COL11A2: variants seen among roughly 807,000 people sequenced by gnomAD.
The protein encoded by COL11A2 is collagen type XI alpha 2 chain, also known as collagen alpha-2(XI) chain.
A neutral mutation model predicts 273.4 loss-of-function variants in COL11A2; 116 were observed. The ratio of observed to expected loss-of-function variants is 0.42; its 90% confidence interval spans 0.36 to 0.49. COL11A2 has a LOEUF of 0.49. Among genes scored for constraint, COL11A2 ranks in the 20% least tolerant of loss-of-function variants. COL11A2 has a pLI of 0.00. For synonymous variants in COL11A2, 782 were observed against 864.2 expected, an observed-to-expected ratio of 0.90 and a Z score of 1.67; for missense variants, 1,866 against 2,309.0, an observed-to-expected ratio of 0.81 and a Z score of 3.93.
intron 5 of COL11A2, 22 bp downstream of exon 5, chr6:33,186,605 G>T (rs1233225103): frequency 1.2e-6 from 2 of 1,614,046 alleles, no homozygotes; most frequent in African/African-American, 2.7e-5. Context: ...GCTGCACTTG[G>T]GGGTTCTCCC....
chr6:33,173,037 T>G lies in COL11A2; in HGVS notation c.2790+23A>C. ...GACTAATGCTAGGGTCAGGGGTCCA[T>G]TCTCTCCTAGGGACAAACCTACCTG... On this transcript the variant is annotated intron_variant, in intron 38 of 65. Transcript: ENST00000341947. This position sits in a 1 kb window ranked among gnomAD's most constrained non-coding sequence, Gnocchi z 6.3. 1 of 1,611,352 alleles carries G rather than the reference T, an allele frequency of 6.2e-7. No individual in the cohort carries two copies. Among genetic ancestry groups the G allele is most frequent in the Non-Finnish European group, 8.5e-7 (1 of 1,178,934 alleles).
Position 33,180,987 on chromosome 6 carries a change from G to C in COL11A2, c.1198C>G (p.Pro400Ala), listed in dbSNP as rs776870776. ...VLEPGMLVEGPPGPEGPAGLI... is the reference protein window; with the variant it reads ...VLEPGMLVEGAPGPEGPAGLI... ...ACCGCAGGGCCTTCTGGGCCAGGGG[G>C]CCCCTCCACGAGCATACCCTGTGGA... The change falls in exon 10 of 66, where the codon CCC (proline) becomes GCC (alanine). Residue 400 changes from proline to alanine, a missense_variant. Transcript: ENST00000341947. The C allele has an allele frequency of 6.2e-7, 1 of 1,613,936 alleles. No homozygotes were observed. The highest frequency in any genetic ancestry group is 1.1e-5 in the South Asian group (1 of 91,086).
intron 5 of COL11A2, 116 bp downstream of exon 5, chr6:33,186,511 A>T: frequency 6.3e-7 from 1 of 1,575,518 alleles, no homozygotes; most frequent in Non-Finnish European, 8.6e-7. Flanking sequence ...GACTAGGAGG[A>T]GGGGGTGATG....
At position 33,166,473 on chromosome 6, in the gene COL11A2, G is replaced by A. The variant is rs1471343404; in HGVS notation, c.4392+40C>T. 1.2e-6 allele frequency: 2 copies of A among 1,604,918 alleles called. No individual in the cohort carries two copies. The highest frequency in any genetic ancestry group is 1.7e-6 in the Non-Finnish European group (2 of 1,173,818). On this transcript the variant is annotated intron_variant, in intron 60 of 65. Transcript: ENST00000341947. This position sits in a 1 kb window ranked among gnomAD's most constrained non-coding sequence, Gnocchi z 4.8. Reference sequence around the variant, plus strand: ...GGAGGCTGTGGGTGGGCAGCAGAGGGGTTTAGGGGATTTTGTGGAGGAACA... The same window carrying A: ...GGAGGCTGTGGGTGGGCAGCAGAGGAGTTTAGGGGATTTTGTGGAGGAACA...
chr6:33,166,838 G>A lies in COL11A2; in HGVS notation c.4231-11C>T, dbSNP rs1385145751. The A allele has an allele frequency of 1.9e-6, 3 of 1,612,848 alleles. No homozygotes were observed. The highest frequency in any genetic ancestry group is 2.5e-6 in the Non-Finnish European group (3 of 1,179,720). The stretch of plus-strand genomic sequence containing the variant: ...GAGACCTGGGTGGCCCTAGAGAAGG[G>A]TGCAGGCAGTCAAGAGAATGCAAAG... On this transcript the variant is annotated splice_polypyrimidine_tract_variant and intron_variant, in intron 58 of 65. Coordinates refer to ENST00000341947, the MANE Select transcript of COL11A2 (RefSeq NM_080680.3). This position sits in a 1 kb window ranked among gnomAD's most constrained non-coding sequence, Gnocchi z 4.8.
chr6:33,165,893 G>T lies in COL11A2; in HGVS notation c.4482+38C>A. The T allele has an allele frequency of 1.9e-6, 3 of 1,613,778 alleles. No individual in the cohort carries two copies. Among genetic ancestry groups the T allele is most frequent in the Non-Finnish European group, 2.5e-6 (3 of 1,179,994 alleles). The stretch of plus-strand genomic sequence containing the variant: ...GAAGTGTGGCAGCAGTGGAGCAGAG[G>T]GGTACGGCCCTGGGAGCAGCCCTGA... On this transcript the variant is annotated intron_variant, in intron 62 of 65. Transcript: ENST00000341947. The surrounding 1 kb of genome is among the most constrained non-coding windows in gnomAD (Gnocchi z 7.7).
Position 33,164,992 on chromosome 6 carries a change from G to C in COL11A2, c.4751-28C>G, listed in dbSNP as rs764621624. 5 of 1,525,446 alleles carry C rather than the reference G, an allele frequency of 3.3e-6. No individual in the cohort carries two copies. The African/African-American group carries it at 5.5e-5, about 17-fold the overall frequency. 94.5% of individuals were successfully genotyped at this position (1,525,446 alleles called of 1,614,324 possible). A position where few individuals can be genotyped will look rare whatever the true frequency, so the allele number is the denominator to read the frequency against. On this transcript the variant is annotated intron_variant, in intron 63 of 65. Transcript: ENST00000341947. This position sits in a 1 kb window ranked among gnomAD's most constrained non-coding sequence, Gnocchi z 4.7. ...GTTGGGTGAGGGAGAGGGGAGGTCA[G>C]GGCCACCTAGGTCCAGGCTCCAAGA...
Position 33,163,880 on chromosome 6 carries a change from T to C in COL11A2, c.5071-62A>G. On this transcript the variant is annotated intron_variant, in intron 65 of 65. Transcript: ENST00000341947. This position sits in a 1 kb window ranked among gnomAD's most constrained non-coding sequence, Gnocchi z 4.1. ...TGGAGGCACCCCCCACCCTCTAACC[T>C]CAGGCCCAGGCTCACCTCTCCTCTG... 3 of 1,611,802 alleles carry C rather than the reference T, an allele frequency of 1.9e-6. No homozygotes were observed. The South Asian group carries it at 3.3e-5, about 18-fold the overall frequency.
rs1770640269 is a variant in COL11A2, at chr6:33,174,554, A to G, written c.2403T>C (p.Pro801=). ...EKGKLGVPGL[P]GYPGRQGPKG... is the part of the protein sequence containing the mutation. ...TGGGTCCCTGACGTCCAGGATAGCC[A>G]GGCAGACCAGGAACACCCAGCTTGC... The change falls in exon 31 of 66, where the codon CCT becomes CCC. Residue 801 remains proline, a synonymous_variant. Coordinates refer to ENST00000341947, the MANE Select transcript of COL11A2 (RefSeq NM_080680.3). The G allele has an allele frequency of 6.2e-7, 1 of 1,612,460 alleles. No homozygotes were observed.
At position 33,167,719 on chromosome 6, in the gene COL11A2, G is replaced by A. The variant is rs762732578; in HGVS notation, c.4014+80C>T. The A allele has an allele frequency of 1.5e-5, 23 of 1,557,294 alleles. No homozygotes were observed. Among genetic ancestry groups the A allele is most frequent in the Non-Finnish European group, 1.9e-5 (22 of 1,134,744 alleles). On this transcript the variant is annotated intron_variant, in intron 55 of 65. Coordinates refer to ENST00000341947, the MANE Select transcript of COL11A2 (RefSeq NM_080680.3). This position sits in a 1 kb window ranked among gnomAD's most constrained non-coding sequence, Gnocchi z 6.1. The stretch of plus-strand genomic sequence containing the variant: ...CCCAACATGGGAGAGGTGGAGATGG[G>A]GTGGGCATCTGGAGACGGAGGCATC...
rs201399429 is a variant in COL11A2 at position 33,186,673 on chromosome 6, T to A, written c.752A>T (p.Gln251Leu). 6.8e-6 allele frequency: 11 copies of A among 1,614,094 alleles called. No homozygotes were observed. In the East Asian group the frequency reaches 2.2e-4, roughly 33 times the overall value. ...PHRAQRSPQQQPSRLHRPQNQ... is the reference protein window; with the variant it reads ...PHRAQRSPQQLPSRLHRPQNQ... ...TTGTGGCCTGTGAAGTCTTGATGGT[T>A]GCTGCTGTGGAGATCTCTGGGCTCT... Residue 251 changes from glutamine to leucine, a missense_variant, in exon 5 of 66, where the codon CAA becomes CTA. Coordinates refer to ENST00000341947, the MANE Select transcript of COL11A2 (RefSeq NM_080680.3).
In COL11A2 at chr6:33,173,181, G is replaced by A; in HGVS notation, c.2737-68C>T. On this transcript the variant is annotated intron_variant, in intron 37 of 65. Coordinates refer to ENST00000341947, the MANE Select transcript of COL11A2 (RefSeq NM_080680.3). The surrounding 1 kb of genome is among the most constrained non-coding windows in gnomAD (Gnocchi z 6.3). ...GCGCTGTGGGGCAGATTCCCAGGAG[G>A]AAGGATCCCAGGCAGGATCACACCA... 6.4e-7 allele frequency: 1 copy of A among 1,566,450 alleles called. No individual in the cohort carries two copies. Among genetic ancestry groups the A allele is most frequent in the Non-Finnish European group, 8.7e-7 (1 of 1,149,560 alleles).
chr6:33,178,763 A>G lies in COL11A2; in HGVS notation c.1666-31T>C. Reference sequence around the variant, plus strand: ...AGGAGGAAGGATAGCCAGAGTGAGGACACGACCCTGTCCAAGCCCACCCCT... The same window carrying G: ...AGGAGGAAGGATAGCCAGAGTGAGGGCACGACCCTGTCCAAGCCCACCCCT... On this transcript the variant is annotated intron_variant, in intron 17 of 65. Coordinates refer to ENST00000341947, the MANE Select transcript of COL11A2 (RefSeq NM_080680.3). The surrounding 1 kb of genome is among the most constrained non-coding windows in gnomAD (Gnocchi z 4.6). The G allele has an allele frequency of 1.9e-6, 3 of 1,612,470 alleles. No homozygotes were observed. Among genetic ancestry groups the G allele is most frequent in the Non-Finnish European group, 2.5e-6 (3 of 1,179,652 alleles).
At chr6:33,171,675 C>T (rs1238084284) in intron 42 of COL11A2, 38 bp downstream of exon 42, 1 of 1,602,600 alleles carries the variant, frequency 6.2e-7, no homozygotes, top group Non-Finnish European at 8.5e-7. Context: ...GCTCACAGAC[C>T]CCTCCCCAGT....
chr6:33,180,848 G>T (rs1771637298), intron 10 of COL11A2, 116 bp downstream of exon 10: 1 of 1,555,146 alleles, frequency 6.4e-7, no homozygotes, highest in Non-Finnish European at 8.9e-7. Flanking sequence ...GCGTTGATTG[G>T]AGGGATGCTC....
At chr6:33,171,239 G>C (rs1562328972) in intron 44 of COL11A2, 32 bp downstream of exon 44, 1 of 1,614,058 alleles carries the variant, frequency 6.2e-7, no homozygotes, top group Non-Finnish European at 8.5e-7. Flanking sequence ...TTAAAGGCCA[G>C]GAGGTCAGAA....
chr6:33,171,025 T>C, intron 45 of COL11A2, 89 bp downstream of exon 45: 1 of 1,577,446 alleles, frequency 6.3e-7, no homozygotes, highest in Non-Finnish European at 8.7e-7. Flanking sequence ...CCAGAGCCCC[T>C]GCTCCCACTC....
upstream of COL11A2, among the ~76,000 whole-genome samples, chr6:33,193,428 C>A (rs1439372020): frequency 1.2e-4 from 18 of 145,552 alleles, no homozygotes; most frequent in Admixed American, 4.7e-4. Context: ...CCTCTCCCCC[C>A]CTCCCCGACA....
rs761509774 is a variant in COL11A2 at position 33,166,132 on chromosome 6, G to T, written c.4428+39C>A. 6.2e-7 allele frequency: 1 copy of T among 1,608,032 alleles called. No homozygotes were observed. The highest frequency in any genetic ancestry group is 8.5e-7 in the Non-Finnish European group (1 of 1,177,492). On this transcript the variant is annotated intron_variant, in intron 61 of 65. Coordinates refer to ENST00000341947, the MANE Select transcript of COL11A2 (RefSeq NM_080680.3). This position sits in a 1 kb window ranked among gnomAD's most constrained non-coding sequence, Gnocchi z 4.8. ...TGGAGAGACATCATCAAGTCCAGAGGGGGTGGAGCAAAGGTCAGAGCTGAA... is the reference window on the plus strand; with the variant it reads ...TGGAGAGACATCATCAAGTCCAGAGTGGGTGGAGCAAAGGTCAGAGCTGAA...
Sources: allele counts gnomAD v4.1 joint callset (sites outside exome capture counted in the v4.1 genomes callset), GRCh38; gene constraint gnomAD v4.1.1; non-coding constraint Gnocchi (gnomAD v3.1); transcripts MANE v1.5; gene names NCBI Gene and HGNC (gene_info 2026-07-23, HGNC 2026-07-21).